Variants in TESPA1 observed in about 807,000 individuals in gnomAD.
The protein encoded by TESPA1 is protein TESPA1.
In TESPA1, 33 loss-of-function variants were observed where a neutral mutation model predicts 57.9. The ratio of observed to expected loss-of-function variants is 0.57; its 90% confidence interval spans 0.43 to 0.76. The LOEUF (loss-of-function observed/expected upper bound fraction) is 0.76, where lower values mean the gene tolerates loss of function less well. Ranked by LOEUF, TESPA1 falls within the 30% of genes least tolerant of loss-of-function variation. TESPA1 has a pLI of 0.00. For missense variants in TESPA1, 618 were observed against 632.9 expected, an observed-to-expected ratio of 0.98 and a Z score of 0.25; for synonymous variants, 227 against 228.9, an observed-to-expected ratio of 0.99 and a Z score of 0.07.
chr12:54,977,489 A>T (rs1167550932), intron 1 of TESPA1, among the ~76,000 whole-genome samples: 3 of 152,200 alleles, frequency 2.0e-5, no homozygotes, highest in Non-Finnish European at 2.9e-5. Flanking sequence ...CAAAGATTGC[A>T]TTTTCTTGAC....
intron 1 of TESPA1, among the ~76,000 whole-genome samples, chr12:54,979,650 A>T (rs1952244379): frequency 6.6e-6 from 1 of 152,230 alleles, no homozygotes; most frequent in Admixed American, 6.5e-5. Flanking sequence ...TTGAGGTTAG[A>T]CAGGAGAAAT....
rs1952001866 is a variant in TESPA1 at position 54,973,840 on chromosome 12, G to A, written c.164-321C>T. The A allele has an allele frequency of 1.3e-5, 15 of 1,116,040 alleles. No homozygotes were observed. The South Asian group carries it at 5.4e-4, about 40-fold the overall frequency. 69.1% of individuals were successfully genotyped at this position (1,116,040 alleles called of 1,614,324 possible). A position where few individuals can be genotyped will look rare whatever the true frequency, so the allele number is the denominator to read the frequency against. On this transcript the variant is annotated intron_variant, in intron 2 of 10. Transcript: ENST00000449076. Reference sequence around the variant, plus strand: ...ATTTAAAAAGAAAAAGAAAAAGAAAGACAATCTTGTTTTTGTGCTTTTTGC... The same window carrying A: ...ATTTAAAAAGAAAAAGAAAAAGAAAAACAATCTTGTTTTTGTGCTTTTTGC...
intron 10 of TESPA1, among the ~76,000 whole-genome samples, chr12:54,955,811 G>C (rs1015888034): frequency 1.3e-5 from 2 of 152,110 alleles, no homozygotes; most frequent in Non-Finnish European, 2.9e-5. Context: ...TTTCCCAACA[G>C]AGGCAAAACA....
chr12:54,966,288 A>G (rs1214854491), intron 6 of TESPA1, 100 bp downstream of exon 6: 2 of 1,589,664 alleles, frequency 1.3e-6, no homozygotes, highest in African/African-American at 1.3e-5. Context: ...CTCACTCTCT[A>G]ATGTGAATCT....
At position 54,948,406 on chromosome 12, in the gene TESPA1, G is replaced by A; in HGVS notation, c.*1986C>T. The A allele has an allele frequency of 6.1e-6, 1 of 163,650 alleles. No individual in the cohort carries two copies. Among genetic ancestry groups the A allele is most frequent in the African/African-American group, 2.4e-5 (1 of 41,772 alleles). 10.1% of individuals were successfully genotyped at this position (163,650 alleles called of 1,614,324 possible). A position where few individuals can be genotyped will look rare whatever the true frequency, so the allele number is the denominator to read the frequency against. On this transcript the variant is annotated 3_prime_UTR_variant, in exon 11 of 11. Transcript: ENST00000449076. ...CCTCACCCAAATCTCATGTCAAACTGTAATCCCCATTGTTGGAGGTGGGGC... is the reference window on the plus strand; with the variant it reads ...CCTCACCCAAATCTCATGTCAAACTATAATCCCCATTGTTGGAGGTGGGGC...
At chr12:54,966,177 A>G (rs762313293) in intron 6 of TESPA1, 26 bp from the exon 7 acceptor site, 1 of 1,563,712 alleles carries the variant, frequency 6.4e-7, no homozygotes, top group Admixed American at 1.9e-5. Flanking sequence ...CTGATGTCAT[A>G]CAAATCTTGT....
chr12:54,956,536 A>G (rs183358589), intron 10 of TESPA1, among the ~76,000 whole-genome samples: 24 of 152,350 alleles, frequency 1.6e-4, no homozygotes, highest in Non-Finnish European at 3.1e-4. Context: ...GGAAATTATG[A>G]GGAAAGATGT....
rs529790407 is a variant in TESPA1 at position 54,974,023 on chromosome 12, G to T, written c.163+377C>A. 3 of 533,976 alleles carry T rather than the reference G, an allele frequency of 5.6e-6. No homozygotes were observed. The East Asian group carries it at 3.5e-4, about 62-fold the overall frequency. The allele number at this position is 533,976 out of a possible 1,614,324, so 33.1% of individuals were successfully genotyped here. A position where few individuals can be genotyped will look rare whatever the true frequency, so the allele number is the denominator to read the frequency against. On this transcript the variant is annotated intron_variant, in intron 2 of 10. Transcript: ENST00000449076. ...TAGAGAGGTGAGTGACTTCCCAAAG[G>T]CCACACAGCTTGTTAGTGACAGCAT...
intron 1 of TESPA1, among the ~76,000 whole-genome samples, chr12:54,982,874 G>A (rs925207051): frequency 3.3e-5 from 5 of 151,356 alleles, no homozygotes; most frequent in Non-Finnish European, 7.4e-5. Flanking sequence ...TCTTCTCCTC[G>A]TCCCTCTACT....
intron 1 of TESPA1, among the ~76,000 whole-genome samples, chr12:54,979,761 C>T (rs1224412560): frequency 6.6e-6 from 1 of 152,092 alleles, no homozygotes; most frequent in African/African-American, 2.4e-5. Context: ...CGGCAGAAAA[C>T]CTGTAGAGGT....
intron 10 of TESPA1, among the ~76,000 whole-genome samples, chr12:54,955,649 G>C (rs903283823): frequency 3.3e-5 from 5 of 152,190 alleles, no homozygotes; most frequent in Admixed American, 2.0e-4. Context: ...ACAAGGGTAA[G>C]ATTTCGTTCT....
At chr12:54,959,431 T>C (rs1323330012) in intron 10 of TESPA1, among the ~76,000 whole-genome samples, 1 of 152,194 alleles carries the variant, frequency 6.6e-6, no homozygotes, top group Non-Finnish European at 1.5e-5. Context: ...CGGGAAACAC[T>C]AGGGGATTTT....
At chr12:54,963,269 G>T in intron 8 of TESPA1, 27 bp from the exon 9 acceptor site, 1 of 1,577,906 alleles carries the variant, frequency 6.3e-7, no homozygotes, top group South Asian at 1.1e-5. Flanking sequence ...AAGATGGTAA[G>T]TCTGGGGTTC....
At chr12:54,967,562 T>C (rs957981787) in intron 4 of TESPA1, among the ~76,000 whole-genome samples, 2 of 152,070 alleles carry the variant, frequency 1.3e-5, no homozygotes, top group South Asian at 4.1e-4. Context: ...ACACATATTT[T>C]ATAAAGTTCT....
chr12:54,963,160 G>A lies in TESPA1; in HGVS notation c.738C>T (p.Val246=). 6.2e-7 allele frequency: 1 copy of A among 1,613,878 alleles called. No homozygotes were observed. The highest frequency in any genetic ancestry group is 8.5e-7 in the Non-Finnish European group (1 of 1,179,882). Residue 246 remains valine, a synonymous_variant, in exon 9 of 11, where the codon GTC becomes GTT. Coordinates refer to ENST00000449076, the MANE Select transcript of TESPA1 (RefSeq NM_001136030.3). The part of the protein sequence containing the change: ...CLYSYVSKTP[V]QKFTPSHMFW... ...ACATGTGGGATGGTGTGAACTTTTG[G>A]ACAGGTGTCTTAGACACATAGGAGT...
chr12:54,973,676 C>T (rs1048250156), intron 2 of TESPA1, 157 bp from the exon 3 acceptor site: 10 of 1,424,344 alleles, frequency 7.0e-6, no homozygotes, highest in Middle Eastern at 1.8e-4. Context: ...AGGAATACAC[C>T]GTATATAAAA....
intron 9 of TESPA1, 37 bp from the exon 10 acceptor site, chr12:54,961,304 A>AG: frequency 1.9e-6 from 3 of 1,611,552 alleles, no homozygotes; most frequent in Non-Finnish European, 2.5e-6. Flanking sequence ...GCCAGAGCCA[A>AG]GGGGGAAAGG....
At chr12:54,958,122 G>A (rs368368921) in intron 10 of TESPA1, among the ~76,000 whole-genome samples, 7 of 152,290 alleles carry the variant, frequency 4.6e-5, no homozygotes, top group African/African-American at 1.7e-4. Context: ...GTTGGGACAG[G>A]TTTGTGAGAG....
At chr12:54,961,911 A>G (rs1951104084) in intron 9 of TESPA1, among the ~76,000 whole-genome samples, 1 of 152,176 alleles carries the variant, frequency 6.6e-6, no homozygotes, top group South Asian at 2.1e-4. Flanking sequence ...AAGGTCCCTT[A>G]TGGTATAGGA....
Sources: gnomAD v4.1 joint callset for allele counts (sites outside exome capture counted in the v4.1 genomes callset) on GRCh38, gnomAD v4.1.1 for gene constraint, MANE v1.5 for transcripts, NCBI Gene and HGNC (gene_info 2026-07-23, HGNC 2026-07-21) for gene names.